PLA2G4A: variants seen among roughly 807,000 people sequenced by gnomAD.
PLA2G4A encodes the protein phospholipase A2 group IVA, also known as cytosolic phospholipase A2.
Under a neutral mutation model 81.9 loss-of-function variants are expected in PLA2G4A, and 40 were observed. That is an observed-to-expected ratio of 0.49 (90% CI 0.38 to 0.64). The LOEUF (loss-of-function observed/expected upper bound fraction) is 0.64. Among genes scored for constraint, PLA2G4A ranks in the 30% least tolerant of loss-of-function variants. The pLI is 0.00. For missense variants in PLA2G4A, 715 were observed against 905.1 expected (o/e 0.79, Z 2.69); for synonymous variants, 302 against 296.9 (o/e 1.02, Z -0.18).
At chr1:186,914,263 T>C (rs1423593665) in intron 7 of PLA2G4A, among the ~76,000 whole-genome samples, 1 of 22,424 alleles carries the variant, frequency 4.5e-5, no homozygotes, top group African/African-American at 2.9e-4. Flanking sequence ...AAAATTTATA[T>C]ATATATGTTT....
chr1:186,859,220 G>A (rs1056529669), intron 2 of PLA2G4A, among the ~76,000 whole-genome samples: 1 of 152,104 alleles, frequency 6.6e-6, no homozygotes, highest in African/African-American at 2.4e-5. Context: ...TTTGCAGCCA[G>A]CAAGCTCTCT....
chr1:186,959,366 G>A (rs1656867286), intron 14 of PLA2G4A, among the ~76,000 whole-genome samples: 2 of 131,172 alleles, frequency 1.5e-5, no homozygotes, highest in Admixed American at 7.8e-5. Context: ...CCCCAAATAT[G>A]GCATTATATA....
chr1:186,927,010 C>A (rs753064299), intron 7 of PLA2G4A, among the ~76,000 whole-genome samples: 2 of 152,034 alleles, frequency 1.3e-5, no homozygotes, highest in Non-Finnish European at 2.9e-5. Context: ...AAAGCCTAAG[C>A]GTTTATTCTC....
chr1:186,880,621 T>C (rs1653695579), intron 3 of PLA2G4A, among the ~76,000 whole-genome samples: 1 of 152,028 alleles, frequency 6.6e-6, no homozygotes, highest in Non-Finnish European at 1.5e-5. Flanking sequence ...GAATCTCTTT[T>C]TAATGAAAAA....
chr1:186,973,744 C>T (rs1024596790), intron 15 of PLA2G4A, among the ~76,000 whole-genome samples: 2 of 152,124 alleles, frequency 1.3e-5, no homozygotes, highest in Non-Finnish European at 2.9e-5. Context: ...TTATAAAGCT[C>T]TTGAAGCCTA....
chr1:186,851,393 A>G (rs1423872623), intron 1 of PLA2G4A, among the ~76,000 whole-genome samples: 1 of 151,970 alleles, frequency 6.6e-6, no homozygotes, highest in Non-Finnish European at 1.5e-5. Flanking sequence ...CTGAGGGGAA[A>G]TGATATGAGG....
At chr1:186,853,647 G>A (rs181119072) in intron 1 of PLA2G4A, among the ~76,000 whole-genome samples, 34 of 151,948 alleles carry the variant, frequency 2.2e-4, no homozygotes, top group African/African-American at 7.9e-4. Flanking sequence ...TAGCAAAGAT[G>A]TTCATTCATT....
intron 3 of PLA2G4A, among the ~76,000 whole-genome samples, chr1:186,876,957 A>G (rs970593826): frequency 2.6e-5 from 4 of 152,166 alleles, no homozygotes; most frequent in South Asian, 2.1e-4. Flanking sequence ...CTCTCAATAC[A>G]AAGTGTTAAT....
intron 15 of PLA2G4A, among the ~76,000 whole-genome samples, chr1:186,970,583 A>G (rs760509575): frequency 4.6e-5 from 7 of 152,014 alleles, no homozygotes; most frequent in Non-Finnish European, 8.8e-5. Flanking sequence ...TGATTTTTAT[A>G]TATGTCAAGA....
chr1:186,833,343 T>C (rs905931326), intron 1 of PLA2G4A, among the ~76,000 whole-genome samples: 1 of 152,150 alleles, frequency 6.6e-6, no homozygotes, highest in Non-Finnish European at 1.5e-5. Context: ...TGCAGTGAGC[T>C]TTGACCACAC....
chr1:186,881,526 T>C (rs76632799), intron 3 of PLA2G4A, among the ~76,000 whole-genome samples: 187 of 152,230 alleles, frequency 1.2e-3, no homozygotes, highest in African/African-American at 4.3e-3. Context: ...ACGCTTATAA[T>C]TTTGATCTCT....
chr1:186,941,698 T>A (rs761263158), intron 10 of PLA2G4A, among the ~76,000 whole-genome samples: 8 of 152,202 alleles, frequency 5.3e-5, no homozygotes, highest in Non-Finnish European at 1.2e-4. Context: ...ATTGCAGCAG[T>A]CTGCCGGGCG....
chr1:186,975,411 C>T (rs991220966), intron 15 of PLA2G4A, among the ~76,000 whole-genome samples: 1 of 152,062 alleles, frequency 6.6e-6, no homozygotes, highest in African/African-American at 2.4e-5. Context: ...CATGACATTC[C>T]AGAAGCAAAA....
At chr1:186,921,598 C>T (rs1305838545) in intron 7 of PLA2G4A, among the ~76,000 whole-genome samples, 1 of 152,116 alleles carries the variant, frequency 6.6e-6, no homozygotes, top group African/African-American at 2.4e-5. Context: ...TTCACTTCCT[C>T]TTCTGTCTAC....
At position 186,837,565 on chromosome 1, in the gene PLA2G4A, T is replaced by TAA. The variant is rs199536345; in HGVS notation, c.-70+8542_-70+8543dup. On this transcript the variant is annotated intron_variant, in intron 1 of 17. Coordinates refer to ENST00000367466, the MANE Select transcript of PLA2G4A (RefSeq NM_024420.3). ...TCACACGGTGAAACCCCATCTGTAC[T>TAA]AAAAAAAAAAAAATACAAAAAATTA... Among the ~76,000 whole-genome samples, 894 of 138,668 alleles carry TAA rather than the reference T, an allele frequency of 6.4e-3. 13 individuals carry two copies. The highest frequency in any genetic ancestry group is 0.022 in the African/African-American group (853 of 37,914). 91.0% of individuals were successfully genotyped at this position (138,668 alleles called of 152,430 possible).
At position 186,868,344 on chromosome 1, in the gene PLA2G4A, C is replaced by T. The variant is rs578209673; in HGVS notation, c.34-2091C>T. 2.6e-5 allele frequency among the ~76,000 whole-genome samples: 4 copies of T among 152,262 alleles called. 1 individual carries two copies. The South Asian group carries it at 8.3e-4, about 32-fold the overall frequency. The stretch of plus-strand genomic sequence containing the variant: ...CCGCCCGCTTCCGCCTCCCAAAGTG[C>T]TGGGATTACAGGCGTGAGCCATTGG... On this transcript the variant is annotated intron_variant, in intron 2 of 17. Transcript: ENST00000367466.
chr1:186,964,700 G>A (rs967830079), intron 14 of PLA2G4A, among the ~76,000 whole-genome samples: 9 of 152,142 alleles, frequency 5.9e-5, no homozygotes, highest in African/African-American at 1.9e-4. Flanking sequence ...CATTTATCAC[G>A]TTATGAAGTG....
At chr1:186,985,488 G>A (rs1657863407) in intron 17 of PLA2G4A, among the ~76,000 whole-genome samples, 1 of 151,982 alleles carries the variant, frequency 6.6e-6, no homozygotes, top group Non-Finnish European at 1.5e-5. Flanking sequence ...TCCTATATTT[G>A]TAATTTTTAC....
intron 2 of PLA2G4A, among the ~76,000 whole-genome samples, chr1:186,857,101 A>ATAATAT (rs367958491): frequency 8.3e-4 from 11 of 13,296 alleles, no homozygotes; most frequent in African/African-American, 5.6e-3. Context: ...TATATAATAT[A>ATAATAT]ATTATATAAT....
Sources: allele counts gnomAD v4.1 joint callset (sites outside exome capture counted in the v4.1 genomes callset), GRCh38; gene constraint gnomAD v4.1.1; transcripts MANE v1.5; gene names NCBI Gene and HGNC (gene_info 2026-07-23, HGNC 2026-07-21).